MAPDA: variants seen among roughly 807,000 people sequenced by gnomAD.
MAPDA encodes the protein N6-Methyl-AMP deaminase.
At chr15:43,332,113 A>C in the MAPDA span, 4 of 152,210 alleles carry the variant, frequency 2.6e-5, no homozygotes, top group African/African-American at 9.7e-5. Flanking sequence ...AAGATTATGG[A>C]TAATCATAAG....
At chr15:43,345,354 C>CAA in the MAPDA span, among the ~76,000 whole-genome samples, 3 of 35,748 alleles carry the variant, frequency 8.4e-5, no homozygotes, top group African/African-American at 2.0e-4. Context: ...GATTCCATCT[C>CAA]AAAAAAAAAA....
the MAPDA span, chr15:43,342,922 T>C: frequency 8.9e-7 from 1 of 1,117,834 alleles, no homozygotes; most frequent in South Asian, 1.5e-5. Context: ...ATTGTTCATA[T>C]AGGATTGCTG....
the MAPDA span, chr15:43,349,320 G>T: frequency 8.7e-7 from 1 of 1,148,784 alleles, no homozygotes; most frequent in Non-Finnish European, 1.1e-6. Context: ...AGGAATAAAG[G>T]GTCATCTAGA....
chr15:43,334,422 G>A, the MAPDA span, among the ~76,000 whole-genome samples: 5 of 151,624 alleles, frequency 3.3e-5, no homozygotes, highest in African/African-American at 1.2e-4. Context: ...GAGGTCAGGA[G>A]TTCGAGACCA....
the MAPDA span, among the ~76,000 whole-genome samples, chr15:43,338,292 G>A: frequency 6.6e-6 from 1 of 152,318 alleles, no homozygotes; most frequent in African/African-American, 2.4e-5. Context: ...TGTAAATGTA[G>A]AACTGAGTGT....
chr15:43,335,008 T>A, the MAPDA span: 16 of 1,193,664 alleles, frequency 1.3e-5, no homozygotes, highest in Admixed American at 3.5e-4. Context: ...AGTAAAGCAA[T>A]CTGAAGGAAA....
chr15:43,347,168 A>G, the MAPDA span: 6 of 1,244,628 alleles, frequency 4.8e-6, no homozygotes, highest in Non-Finnish European at 6.9e-6. Context: ...GTAAGTGACT[A>G]GGAATAAACC....
chr15:43,350,093 C>T, the MAPDA span, among the ~76,000 whole-genome samples: 30 of 152,062 alleles, frequency 2.0e-4, no homozygotes, highest in African/African-American at 6.0e-4. Context: ...GGGCGGGGGA[C>T]GGAGTCGCTC....
chr15:43,336,574 G>A, the MAPDA span: 6 of 1,405,058 alleles, frequency 4.3e-6, no homozygotes, highest in Non-Finnish European at 5.8e-6. Flanking sequence ...CATTCAGTTA[G>A]TGAGTTTCTT....
chr15:43,345,120 T>A, the MAPDA span, among the ~76,000 whole-genome samples: 1 of 151,976 alleles, frequency 6.6e-6, no homozygotes, highest in Admixed American at 6.6e-5. Flanking sequence ...TTTGGGAGGC[T>A]GAGGCGGGCG....
At chr15:43,332,979 T>G in the MAPDA span, among the ~76,000 whole-genome samples, 1 of 152,160 alleles carries the variant, frequency 6.6e-6, no homozygotes, top group South Asian at 2.1e-4. Context: ...TTTTTTAATG[T>G]GTAAAGATTA....
At chr15:43,335,030 A>G in the MAPDA span, 1 of 1,444,994 alleles carries the variant, frequency 6.9e-7, no homozygotes. Flanking sequence ...TCAGTACCAT[A>G]CAATTTACTG....
the MAPDA span, among the ~76,000 whole-genome samples, chr15:43,350,282 G>A: frequency 6.8e-6 from 1 of 147,428 alleles, no homozygotes; most frequent in Admixed American, 6.8e-5. Flanking sequence ...GTTTCACTGT[G>A]TTAGCCAGGA....
chr15:43,345,483 G>A, the MAPDA span, among the ~76,000 whole-genome samples: 5 of 152,218 alleles, frequency 3.3e-5, no homozygotes, highest in African/African-American at 1.2e-4. Context: ...AGAAAAGCAG[G>A]GTGGGAGGTG....
chr15:43,351,235 A>T, the MAPDA span: 1 of 543,764 alleles, frequency 1.8e-6, no homozygotes, highest in Non-Finnish European at 3.3e-6. Flanking sequence ...CTAAGGCAGG[A>T]GAATCACTTG....
chr15:43,335,096 T>C, the MAPDA span: 1 of 1,613,404 alleles, frequency 6.2e-7, no homozygotes, highest in Middle Eastern at 1.6e-4. Flanking sequence ...GAATCATTTT[T>C]TTCCTGCTAA....
the MAPDA span, among the ~76,000 whole-genome samples, chr15:43,335,489 G>A: frequency 2.0e-5 from 3 of 152,066 alleles, no homozygotes; most frequent in African/African-American, 7.2e-5. Context: ...AGCTGAGATC[G>A]CACCAGTGTA....
the MAPDA span, chr15:43,330,731 T>G: frequency 2.3e-6 from 1 of 439,524 alleles, no homozygotes; most frequent in Non-Finnish European, 4.1e-6. Context: ...GAGTTCCATT[T>G]GTCCCAGAAT....
chr15:43,343,272 T>C, the MAPDA span, among the ~76,000 whole-genome samples: 2 of 152,232 alleles, frequency 1.3e-5, no homozygotes, highest in Non-Finnish European at 2.9e-5. Context: ...AAATTCTGAG[T>C]ATTTTTACAT....
Sources: gnomAD v4.1 joint callset for allele counts (sites outside exome capture counted in the v4.1 genomes callset) on GRCh38, gnomAD v4.1.1 for gene constraint, MANE v1.5 for transcripts, NCBI Gene and HGNC (gene_info 2026-07-23, HGNC 2026-07-21) for gene names.